DSCAM: variants seen among roughly 807,000 people sequenced by gnomAD.
DSCAM encodes cell adhesion molecule DSCAM.
A neutral mutation model predicts 217.7 loss-of-function variants in DSCAM; 47 were observed. That is an observed-to-expected ratio of 0.22 (90% CI 0.17 to 0.28). DSCAM has a LOEUF of 0.28. Among genes scored for constraint, DSCAM ranks in the 10% least tolerant of loss-of-function variants. DSCAM has a pLI of 1.00. For missense variants in DSCAM, 2,080 were observed against 2,618.3 expected (o/e 0.79, Z 4.49); for synonymous variants, 1,056 against 1,015.3 (o/e 1.04, Z -0.76).
chr21:40,246,913 G>T (rs1007715664), intron 11 of DSCAM, among the ~76,000 whole-genome samples: 1 of 152,068 alleles, frequency 6.6e-6, no homozygotes, highest in Non-Finnish European at 1.5e-5. Context: ...ACCTGAGGCT[G>T]GGAAGAAAAA....
intron 1 of DSCAM, among the ~76,000 whole-genome samples, chr21:40,726,054 GAAC>G (rs1376659021): frequency 6.6e-6 from 1 of 152,080 alleles, no homozygotes; most frequent in Non-Finnish European, 1.5e-5. Context: ...AACGATAACA[GAAC>G]AACAAACATA....
At chr21:40,162,519 A>G (rs1416055558) in intron 16 of DSCAM, among the ~76,000 whole-genome samples, 1 of 152,198 alleles carries the variant, frequency 6.6e-6, no homozygotes, top group Non-Finnish European at 1.5e-5. Flanking sequence ...TTGTTTTTAA[A>G]TGACAGACTG....
chr21:40,051,960 G>A lies in DSCAM; in HGVS notation c.5183C>T (p.Thr1728Met), dbSNP rs767893246. The stretch of plus-strand genomic sequence containing the variant: ...TTTAAGCATTGTTGACCACTCACTC[G>A]TTCCCGGCCGAGCGTCTGAAACATC... The part of the protein sequence containing the change: ...LVDVSDARPG[T>M]NPTTRRNAKA... Residue 1728 changes from threonine to methionine, a missense_variant and splice_region_variant, in exon 30 of 33, where the codon ACG becomes ATG. Transcript: ENST00000400454. The A allele has an allele frequency of 7.4e-6, 12 of 1,611,592 alleles. No homozygotes were observed. The highest frequency in any genetic ancestry group is 2.2e-5 in the East Asian group (1 of 44,756).
At chr21:40,361,964 C>T (rs962282527) in intron 4 of DSCAM, among the ~76,000 whole-genome samples, 2 of 152,138 alleles carry the variant, frequency 1.3e-5, no homozygotes, top group Middle Eastern at 3.4e-3. Flanking sequence ...GATGTTCCCC[C>T]TCCTGTGTCC....
chr21:40,361,272 T>C (rs1001501875), intron 4 of DSCAM, among the ~76,000 whole-genome samples: 17 of 152,192 alleles, frequency 1.1e-4, no homozygotes, highest in South Asian at 4.1e-4. Context: ...TTTTTCGTCA[T>C]GTTTATTTCT....
chr21:40,220,707 A>C (rs937525716), intron 11 of DSCAM, among the ~76,000 whole-genome samples: 3 of 152,242 alleles, frequency 2.0e-5, no homozygotes, highest in Non-Finnish European at 4.4e-5. Context: ...GAGAGTTCAC[A>C]GCTTAACTGT....
intron 3 of DSCAM, among the ~76,000 whole-genome samples, chr21:40,607,381 C>CA (rs2089254270): frequency 1.3e-5 from 2 of 149,888 alleles, no homozygotes; most frequent in Admixed American, 1.3e-4. Flanking sequence ...TCATATGCCT[C>CA]ATTCTCCCTT....
intron 19 of DSCAM, among the ~76,000 whole-genome samples, chr21:40,129,517 G>A (rs989442678): frequency 2.0e-5 from 3 of 152,182 alleles, no homozygotes; most frequent in African/African-American, 7.2e-5. Flanking sequence ...GCTTACCACT[G>A]GGCACTGCTG....
At chr21:40,796,197 T>C (rs1210672707) in intron 1 of DSCAM, among the ~76,000 whole-genome samples, 1 of 152,196 alleles carries the variant, frequency 6.6e-6, no homozygotes, top group Non-Finnish European at 1.5e-5. Context: ...TCTACTTCCC[T>C]GCTTCATTGA....
chr21:40,029,426 GTT>G (rs924937730), intron 32 of DSCAM, among the ~76,000 whole-genome samples: 14 of 141,652 alleles, frequency 9.9e-5, no homozygotes, highest in Non-Finnish European at 3.0e-5. Context: ...ATTTGAGGTT[GTT>G]TTTTTTTTTT....
intron 32 of DSCAM, among the ~76,000 whole-genome samples, chr21:40,017,672 C>T (rs1033478758): frequency 3.9e-4 from 60 of 152,064 alleles, no homozygotes; most frequent in African/African-American, 1.4e-3. Context: ...CCCCCTCAGC[C>T]TCCTGAGTAG....
At chr21:40,333,367 C>T (rs543176299) in intron 8 of DSCAM, among the ~76,000 whole-genome samples, 4 of 152,186 alleles carry the variant, frequency 2.6e-5, no homozygotes, top group East Asian at 1.9e-4. Context: ...TTTTACTGAT[C>T]GATCGATTGA....
intron 30 of DSCAM, among the ~76,000 whole-genome samples, chr21:40,044,718 G>A (rs1480544601): frequency 6.6e-6 from 1 of 152,176 alleles, no homozygotes; most frequent in African/African-American, 2.4e-5. Flanking sequence ...TGGTTACGAT[G>A]TTTGCAACTG....
intron 3 of DSCAM, among the ~76,000 whole-genome samples, chr21:40,523,746 A>C (rs1007096544): frequency 6.6e-6 from 1 of 152,142 alleles, no homozygotes; most frequent in African/African-American, 2.4e-5. Flanking sequence ...AATTGATCTG[A>C]TACGCACAAG....
At chr21:40,262,516 CA>C (rs1282842151) in intron 11 of DSCAM, among the ~76,000 whole-genome samples, 1 of 152,138 alleles carries the variant, frequency 6.6e-6, no homozygotes, top group Non-Finnish European at 1.5e-5. Flanking sequence ...AGACAATACC[CA>C]ATCATAGAAT....
rs199748082 is a variant in DSCAM, at chr21:40,080,336, G to A, written c.4236C>T (p.Tyr1412=). Residue 1412 remains tyrosine (Y), a synonymous_variant, in exon 25 of 33, where the codon TAC becomes TAT. Transcript: ENST00000400454. The part of the protein sequence containing the change: ...GDNGGSSIRG[Y]ILQYSEDNSE... ...TATTGTCCTCGGAGTACTGCAGTAT[G>A]TATCCTGCAGAGAATGAGAAAGATT... 4.0e-5 allele frequency: 64 copies of A among 1,589,544 alleles called. No individual in the cohort carries two copies. The African/African-American group carries it at 7.5e-4, about 19-fold the overall frequency.
intron 3 of DSCAM, among the ~76,000 whole-genome samples, chr21:40,538,426 C>T (rs900891274): frequency 1.3e-5 from 2 of 152,136 alleles, no homozygotes; most frequent in Non-Finnish European, 2.9e-5. Flanking sequence ...CTAACAATCA[C>T]AAAGCTGTGA....
chr21:40,201,290 T>A (rs946286605), intron 11 of DSCAM, among the ~76,000 whole-genome samples: 1 of 152,210 alleles, frequency 6.6e-6, no homozygotes, highest in African/African-American at 2.4e-5. Context: ...TTGATTTATT[T>A]TTTAAGACAA....
chr21:40,591,341 G>T (rs1458917097), intron 3 of DSCAM, among the ~76,000 whole-genome samples: 1 of 152,106 alleles, frequency 6.6e-6, no homozygotes, highest in Non-Finnish European at 1.5e-5. Flanking sequence ...CAGGAGGCTG[G>T]GAATTCCAAG....
Sources: gnomAD v4.1 joint callset for allele counts (sites outside exome capture counted in the v4.1 genomes callset) on GRCh38, gnomAD v4.1.1 for gene constraint, MANE v1.5 for transcripts, NCBI Gene and HGNC (gene_info 2026-07-23, HGNC 2026-07-21) for gene names.